ST7: variants seen among roughly 807,000 people sequenced by gnomAD.
ST7 encodes the protein suppressor of tumorigenicity 7 protein.
A neutral mutation model predicts 78.7 loss-of-function variants in ST7; 28 were observed. The ratio of observed to expected loss-of-function variants is 0.36; its 90% CI spans 0.26 to 0.49. The LOEUF (loss-of-function observed/expected upper bound fraction) is 0.49. ST7 is among the 20% of genes least tolerant of loss of function. The pLI is 0.99. For synonymous variants in ST7, 247 were observed against 249.6 expected (o/e 0.99, Z 0.10); for missense variants, 418 against 696.0 (o/e 0.60, Z 4.49).
chr7:117,207,405 G>T (rs1442067226), intron 12 of ST7, among the ~76,000 whole-genome samples: 1 of 152,044 alleles, frequency 6.6e-6, no homozygotes, highest in Non-Finnish European at 1.5e-5. Context: ...ACCTCCCAAA[G>T]TGCTGAGATT....
chr7:117,029,451 C>G (rs889715101), intron 1 of ST7, among the ~76,000 whole-genome samples: 3 of 151,964 alleles, frequency 2.0e-5, no homozygotes, highest in African/African-American at 4.8e-5. Flanking sequence ...CTTCTTATTA[C>G]CGAGTTTTGA....
At chr7:117,017,191 T>G (rs1182415100) in intron 1 of ST7, among the ~76,000 whole-genome samples, 1 of 152,202 alleles carries the variant, frequency 6.6e-6, no homozygotes, top group African/African-American at 2.4e-5. Flanking sequence ...CCTTATCCTC[T>G]AATTCCTCTT....
intron 10 of ST7, among the ~76,000 whole-genome samples, chr7:117,184,987 C>A (rs1022468347): frequency 2.0e-5 from 3 of 152,048 alleles, no homozygotes; most frequent in Middle Eastern, 3.2e-3. Context: ...AATAACCAAG[C>A]CTCACCCTTT....
intron 1 of ST7, chr7:116,957,150 C>T (rs1398405811): frequency 6.3e-6 from 1 of 157,544 alleles, no homozygotes; most frequent in East Asian, 1.9e-4. Context: ...TTCCCTACTC[C>T]CACCAGCTTG....
At chr7:117,020,588 A>G (rs1232667334) in intron 1 of ST7, 3 of 1,549,306 alleles carry the variant, frequency 1.9e-6, no homozygotes, top group Admixed American at 2.0e-5. Flanking sequence ...ATTTTTAAAA[A>G]GCAGCCTCTG....
chr7:117,165,431 A>G (rs1807472830), intron 9 of ST7, among the ~76,000 whole-genome samples: 1 of 151,732 alleles, frequency 6.6e-6, no homozygotes, highest in East Asian at 1.9e-4. Flanking sequence ...GGTGTAGATA[A>G]TGGAAGATTA....
intron 1 of ST7, among the ~76,000 whole-genome samples, chr7:117,068,935 T>C (rs1798779495): frequency 6.6e-6 from 1 of 152,180 alleles, no homozygotes; most frequent in Non-Finnish European, 1.5e-5. Context: ...AACATACTGA[T>C]GCAGATATTC....
chr7:117,116,363 T>C (rs950820030), intron 2 of ST7, among the ~76,000 whole-genome samples: 9 of 152,182 alleles, frequency 5.9e-5, no homozygotes, highest in African/African-American at 2.2e-4. Flanking sequence ...GCTGTTTACA[T>C]TGTAGGTATG....
At chr7:116,971,619 C>T (rs1793427349) in intron 1 of ST7, among the ~76,000 whole-genome samples, 1 of 152,146 alleles carries the variant, frequency 6.6e-6, no homozygotes, top group African/African-American at 2.4e-5. Context: ...TTGGCTAACT[C>T]CTCCTGGAAT....
At chr7:117,061,583 T>G (rs1215218393) in intron 1 of ST7, among the ~76,000 whole-genome samples, 2 of 152,184 alleles carry the variant, frequency 1.3e-5, no homozygotes, top group African/African-American at 4.8e-5. Flanking sequence ...AATGTTCTAC[T>G]TTTCAGAAGA....
intron 1 of ST7, among the ~76,000 whole-genome samples, chr7:117,097,877 T>A (rs1212118293): frequency 2.1e-5 from 1 of 46,790 alleles, no homozygotes; most frequent in African/African-American, 6.6e-5. Flanking sequence ...ATATGACATA[T>A]CACTATATAT....
intron 2 of ST7, among the ~76,000 whole-genome samples, chr7:117,104,259 G>A (rs1216077541): frequency 1.3e-5 from 2 of 152,138 alleles, no homozygotes; most frequent in Non-Finnish European, 2.9e-5. Context: ...TGGCCAACAT[G>A]GTGAAACCCT....
chr7:116,959,054 CACA>C (rs2116144202), intron 1 of ST7: 6 of 399,578 alleles, frequency 1.5e-5, no homozygotes, highest in South Asian at 1.2e-4. Context: ...GCATTTTACC[CACA>C]GTAGGACTTT....
At chr7:116,994,952 C>A (rs1259492668) in intron 1 of ST7, among the ~76,000 whole-genome samples, 1 of 151,996 alleles carries the variant, frequency 6.6e-6, no homozygotes, top group African/African-American at 2.4e-5. Context: ...TAATCAGGAT[C>A]GACTTTTTCA....
chr7:117,171,023 G>T, intron 10 of ST7, 47 bp downstream of exon 10: 1 of 1,302,926 alleles, frequency 7.7e-7, no homozygotes, highest in Non-Finnish European at 1.1e-6. Flanking sequence ...CTCTTTTGAT[G>T]TATTTTCCCT....
chr7:117,102,445 G>A (rs763029843), intron 2 of ST7, among the ~76,000 whole-genome samples: 8 of 152,136 alleles, frequency 5.3e-5, no homozygotes, highest in Admixed American at 3.9e-4. Flanking sequence ...AGGGGATTGA[G>A]GGCAGAGGAA....
intron 1 of ST7, among the ~76,000 whole-genome samples, chr7:117,013,512 A>G (rs10275342): frequency 6.6e-6 from 1 of 152,178 alleles, no homozygotes; most frequent in East Asian, 1.9e-4. Flanking sequence ...GTGAAATGGT[A>G]CTTTCTTATT....
At chr7:117,032,890 G>C (rs758305896) in intron 1 of ST7, among the ~76,000 whole-genome samples, 2 of 152,130 alleles carry the variant, frequency 1.3e-5, no homozygotes, top group Non-Finnish European at 2.9e-5. Context: ...TTCTAAGTTA[G>C]TTCCAGGCAG....
chr7:117,075,058 G>A (rs1318137540), intron 1 of ST7, among the ~76,000 whole-genome samples: 1 of 152,090 alleles, frequency 6.6e-6, no homozygotes, highest in Non-Finnish European at 1.5e-5. Context: ...ACTTTCTTTT[G>A]TTGATAAAGG....
Sources: gnomAD v4.1 joint callset for allele counts (sites outside exome capture counted in the v4.1 genomes callset) on GRCh38, gnomAD v4.1.1 for gene constraint, MANE v1.5 for transcripts, NCBI Gene and HGNC (gene_info 2026-07-23, HGNC 2026-07-21) for gene names.